The following MTMR7 variants were observed in gnomAD, a reference collection of about 807,000 sequenced individuals.
MTMR7 encodes the protein phosphatidylinositol-3-phosphate phosphatase MTMR7.
A neutral mutation model predicts 81.2 loss-of-function variants in MTMR7; 76 were observed. The ratio of observed to expected loss-of-function variants is 0.94; its 90% CI spans 0.78 to 1.13. MTMR7 has a LOEUF of 1.13. Among genes scored for constraint, MTMR7 ranks in the 50% most tolerant of loss-of-function variants. MTMR7 has a pLI of 0.00. For synonymous variants in MTMR7, 372 were observed against 289.8 expected, an observed-to-expected ratio of 1.28 and a Z score of -2.88; for missense variants, 1,044 against 820.0, an observed-to-expected ratio of 1.27 and a Z score of -3.34.
rs763464269 is a variant in MTMR7 at position 17,302,245 on chromosome 8, C to G, written c.1529G>C (p.Gly510Ala). The G allele has an allele frequency of 1.2e-6, 2 of 1,614,020 alleles. No homozygotes were observed. The highest frequency in any genetic ancestry group is 1.3e-5 in the African/African-American group (1 of 75,030). ...WSGMYNRFEKGMQPRQSVTDY... is the reference protein window; with the variant it reads ...WSGMYNRFEKAMQPRQSVTDY... Reference sequence around the variant, plus strand: ...TGTAACTGACTGTCGGGGCTGCATCCCCTTTTCAAAGCGGTTATACATTCC... The same window carrying G: ...TGTAACTGACTGTCGGGGCTGCATCGCCTTTTCAAAGCGGTTATACATTCC... The change falls in exon 13 of 14, where the codon GGG becomes GCG. Residue 510 changes from glycine (G) to alanine (A), a missense_variant. Transcript: ENST00000180173.
In MTMR7 at chr8:17,393,206, G is replaced by A. The variant is rs191641616; in HGVS notation, c.25-19966C>T. 1.4e-3 allele frequency among the ~76,000 whole-genome samples: 209 copies of A among 152,198 alleles called. 5 individuals carry two copies. The South Asian group carries it at 0.018, about 13-fold the overall frequency. On this transcript the variant is annotated intron_variant, in intron 1 of 13. Coordinates refer to ENST00000180173, the MANE Select transcript of MTMR7 (RefSeq NM_004686.5). ...AATTACTTTCAATAAATGCTGCTGC[G>A]ACAACTGGACTTCCACATGCAAAAC...
At position 17,378,930 on chromosome 8, in the gene MTMR7, A is replaced by G. The variant is rs188453211; in HGVS notation, c.25-5690T>C. Among the ~76,000 whole-genome samples the G allele has an allele frequency of 2.3e-3, 355 of 152,306 alleles. 1 individual carries two copies. The highest frequency in any genetic ancestry group is 2.1e-3 in the Non-Finnish European group (144 of 68,040). Reference sequence around the variant, plus strand: ...ATAATAATTGAAGCCATGGGACTAAAAAAGGTTACCCAGGGCGAGCAGGCA... The same window carrying G: ...ATAATAATTGAAGCCATGGGACTAAGAAAGGTTACCCAGGGCGAGCAGGCA... On this transcript the variant is annotated intron_variant, in intron 1 of 13. Coordinates refer to ENST00000180173, the MANE Select transcript of MTMR7 (RefSeq NM_004686.5).
chr8:17,335,202 A>C (rs1819195190), intron 6 of MTMR7, among the ~76,000 whole-genome samples: 1 of 152,166 alleles, frequency 6.6e-6, no homozygotes, highest in African/African-American at 2.4e-5. Context: ...GACAGAGAGG[A>C]GGGACGGAGA....
At chr8:17,354,808 T>A (rs556474971) in intron 4 of MTMR7, among the ~76,000 whole-genome samples, 2 of 152,278 alleles carry the variant, frequency 1.3e-5, no homozygotes, top group South Asian at 4.1e-4. Context: ...TAGTCAAAAA[T>A]TTTCTGAAAT....
chr8:17,385,053 A>C (rs1820887656), intron 1 of MTMR7, among the ~76,000 whole-genome samples: 1 of 152,238 alleles, frequency 6.6e-6, no homozygotes, highest in African/African-American at 2.4e-5. Flanking sequence ...AGGCATGCAA[A>C]GAATCCTATT....
intron 1 of MTMR7, among the ~76,000 whole-genome samples, chr8:17,396,191 A>C (rs1335132390): frequency 2.0e-5 from 3 of 152,146 alleles, no homozygotes; most frequent in Non-Finnish European, 2.9e-5. Flanking sequence ...AGAAGCCTCC[A>C]CAGATCATCC....
At chr8:17,361,021 A>T in intron 4 of MTMR7, 96 bp downstream of exon 4, 1 of 1,335,044 alleles carries the variant, frequency 7.5e-7, no homozygotes, top group Non-Finnish European at 1.1e-6. Flanking sequence ...ATCTACAAAG[A>T]GCTATAAAAC....
chr8:17,386,219 A>T (rs1259173501), intron 1 of MTMR7, among the ~76,000 whole-genome samples: 1 of 152,128 alleles, frequency 6.6e-6, no homozygotes, highest in Non-Finnish European at 1.5e-5. Flanking sequence ...CTACCAAAAA[A>T]ATTTAAAAAT....
At chr8:17,410,436 C>G (rs1821706638) in intron 1 of MTMR7, among the ~76,000 whole-genome samples, 1 of 152,166 alleles carries the variant, frequency 6.6e-6, no homozygotes, top group African/African-American at 2.4e-5. Context: ...AGCACTTGAA[C>G]CCAAATTATG....
At chr8:17,387,793 C>T (rs375588160) in intron 1 of MTMR7, among the ~76,000 whole-genome samples, 1 of 151,928 alleles carries the variant, frequency 6.6e-6, no homozygotes, top group Admixed American at 6.5e-5. Flanking sequence ...AAATAAATCA[C>T]CCAAACTTCC....
chr8:17,385,384 G>A (rs1053243457), intron 1 of MTMR7, among the ~76,000 whole-genome samples: 2 of 152,136 alleles, frequency 1.3e-5, no homozygotes, highest in Admixed American at 6.5e-5. Context: ...GGAGGTAACT[G>A]AATCATGGGG....
Position 17,304,434 on chromosome 8 carries a change from T to C in MTMR7, c.1438A>G (p.Ser480Gly). Reference protein sequence around the residue: ...YLNPLFRADHSQTQGTLHLPT... With the variant: ...YLNPLFRADHGQTQGTLHLPT... ...AGATGAAGGGTTCCCTGAGTCTGGC[T>C]GTGATCAGCTCTAAACAGAGGATTC... The change falls in exon 12 of 14, where the codon AGC becomes GGC. Residue 480 changes from serine to glycine, a missense_variant. By Grantham distance (56) the Ser-to-Gly change is moderately conservative. Coordinates refer to ENST00000180173, the MANE Select transcript of MTMR7 (RefSeq NM_004686.5). 1.2e-6 allele frequency: 2 copies of C among 1,614,150 alleles called. No homozygotes were observed. Among genetic ancestry groups the C allele is most frequent in the Non-Finnish European group, 1.7e-6 (2 of 1,179,976 alleles).
intron 12 of MTMR7, chr8:17,302,483 A>T: frequency 2.0e-6 from 1 of 498,858 alleles, no homozygotes; most frequent in Non-Finnish European, 3.4e-6. Flanking sequence ...TGGGGAGAAT[A>T]AGTTTATGAA....
chr8:17,345,729 T>C (rs1192315793), intron 5 of MTMR7, among the ~76,000 whole-genome samples: 1 of 152,266 alleles, frequency 6.6e-6, no homozygotes, highest in African/African-American at 2.4e-5. Flanking sequence ...CAGGGGCCTT[T>C]ATATTGAACA....
At chr8:17,334,164 C>A (rs1819147947) in intron 6 of MTMR7, among the ~76,000 whole-genome samples, 1 of 152,102 alleles carries the variant, frequency 6.6e-6, no homozygotes, top group Admixed American at 6.5e-5. Context: ...ATTTCATCTA[C>A]CAGCTGAAGT....
At chr8:17,385,888 C>T (rs762844525) in intron 1 of MTMR7, among the ~76,000 whole-genome samples, 33 of 152,296 alleles carry the variant, frequency 2.2e-4, no homozygotes, top group African/African-American at 7.9e-4. Context: ...TCATAAATTA[C>T]CCGGTCTCAG....
chr8:17,367,867 G>A (rs1205476687), intron 3 of MTMR7, among the ~76,000 whole-genome samples: 1 of 146,056 alleles, frequency 6.8e-6, no homozygotes, highest in African/African-American at 2.6e-5. Context: ...TAAGGTTTGG[G>A]GTTTTTTTTT....
intron 4 of MTMR7, among the ~76,000 whole-genome samples, chr8:17,352,235 G>A (rs1819749767): frequency 6.6e-6 from 1 of 152,134 alleles, no homozygotes; most frequent in Non-Finnish European, 1.5e-5. Flanking sequence ...GTGTGGTACT[G>A]GAATAAAGAC....
At chr8:17,409,634 G>A (rs115213791) in intron 1 of MTMR7, among the ~76,000 whole-genome samples, 13 of 152,246 alleles carry the variant, frequency 8.5e-5, no homozygotes, top group African/African-American at 2.9e-4. Context: ...CCATCAAGCA[G>A]GGGAGCTTGA....
Sources: gnomAD v4.1 joint callset for allele counts (sites outside exome capture counted in the v4.1 genomes callset) on GRCh38, gnomAD v4.1.1 for gene constraint, MANE v1.5 for transcripts, NCBI Gene and HGNC (gene_info 2026-07-23, HGNC 2026-07-21) for gene names.